The following ZDHHC15 variants were observed in gnomAD, a reference collection of about 807,000 sequenced individuals.
ZDHHC15 encodes the protein palmitoyltransferase ZDHHC15.
Under a neutral mutation model 31.7 loss-of-function variants are expected in ZDHHC15, and 19 were observed. That is an observed-to-expected ratio of 0.60 (90% CI 0.42 to 0.88). The LOEUF (loss-of-function observed/expected upper bound fraction) is 0.88, where lower values mean the gene tolerates loss of function less well. Ranked by LOEUF, ZDHHC15 falls within the 40% of genes least tolerant of loss-of-function variation. The pLI is 0.00. For synonymous variants in ZDHHC15, 103 were observed against 90.0 expected, an observed-to-expected ratio of 1.14 and a Z score of -0.82; for missense variants, 209 against 251.2, an observed-to-expected ratio of 0.83 and a Z score of 1.14.
chrX:75,384,756 A>G (rs753676622), intron 10 of ZDHHC15: 39 of 968,726 alleles, frequency 4.0e-5, no homozygotes, highest in Non-Finnish European at 5.8e-5. Context: ...CACCCAGAGA[A>G]GCACACTTTG....
In ZDHHC15 at chrX:75,514,209, C is replaced by G. The variant is rs781098092; in HGVS notation, c.137-8362G>C. On this transcript the variant is annotated intron_variant, in intron 1 of 11. Transcript: ENST00000373367. The stretch of plus-strand genomic sequence containing the variant: ...CACTGGTAAACTATACAGGTAGCTA[C>G]AAAAGCAAGTAATATTGAGTTTTAC... Among the ~76,000 whole-genome samples, 9 of 111,852 alleles carry G rather than the reference C, an allele frequency of 8.0e-5. No individual in the cohort carries two copies. The East Asian group carries it at 2.5e-3, about 32-fold the overall frequency.
intron 4 of ZDHHC15, among the ~76,000 whole-genome samples, chrX:75,446,586 T>A (rs1020737520): frequency 4.5e-5 from 5 of 112,071 alleles, no homozygotes; most frequent in African/African-American, 9.7e-5. Flanking sequence ...TGATCACATG[T>A]TTTACTCCAT....
At position 75,479,662 on chromosome X, in the gene ZDHHC15, T is replaced by C. The variant is rs188826835; in HGVS notation, c.164-677A>G. ...AGTTTCTTATCATCCACCCCTCTCC[T>C]ACCCCCTCACCCATACCAGTCTCTA... On this transcript the variant is annotated intron_variant, in intron 2 of 11. Transcript: ENST00000373367. Among the ~76,000 whole-genome samples, 413 of 111,292 alleles carry C rather than the reference T, an allele frequency of 3.7e-3. 1 individual carries two copies. The highest frequency in any genetic ancestry group is 6.3e-3 in the Admixed American group (66 of 10,441).
intron 4 of ZDHHC15, among the ~76,000 whole-genome samples, chrX:75,438,404 C>A (rs962408108): frequency 1.8e-5 from 2 of 111,705 alleles, no homozygotes; most frequent in African/African-American, 6.5e-5. Context: ...GTCCTTTTAT[C>A]ATTATATAAT....
At chrX:75,398,247 G>T (rs752843453) in intron 10 of ZDHHC15, among the ~76,000 whole-genome samples, 1 of 112,397 alleles carries the variant, frequency 8.9e-6, no homozygotes. Context: ...TGCCTTAGCC[G>T]TTCCAGCCTT....
rs2083016671 is a variant in ZDHHC15 at position 75,372,859 on chromosome X, A to T, written c.*119T>A. The T allele has an allele frequency of 8.9e-6, 1 of 111,975 alleles. No homozygotes were observed. The highest frequency in any genetic ancestry group is 3.7e-4 in the South Asian group (1 of 2,725). The allele number at this position is 111,975 out of a possible 1,213,427, so 9.2% of individuals were successfully genotyped here. A position where few individuals can be genotyped will look rare whatever the true frequency, so the allele number is the denominator to read the frequency against. On this transcript the variant is annotated 3_prime_UTR_variant, in exon 12 of 12. Transcript: ENST00000373367. The stretch of plus-strand genomic sequence containing the variant: ...AATTCTTTCAAATTTTGAAGCTTTC[A>T]ATCCAACACGGTGACTTATTTTGAA...
At chrX:75,467,146 T>C (rs1327332689) in intron 3 of ZDHHC15, among the ~76,000 whole-genome samples, 1 of 112,552 alleles carries the variant, frequency 8.9e-6, no homozygotes, top group African/African-American at 3.2e-5. Context: ...GAAAAACAAC[T>C]GGTTATTTTG....
chrX:75,510,471 C>A (rs866162329), intron 1 of ZDHHC15, among the ~76,000 whole-genome samples: 3 of 55,105 alleles, frequency 5.4e-5, no homozygotes, highest in African/African-American at 1.9e-4. Context: ...GAAAATGTTT[C>A]TTCTGTTTTT....
intron 1 of ZDHHC15, among the ~76,000 whole-genome samples, chrX:75,518,538 G>A (rs1340734004): frequency 1.8e-5 from 2 of 108,205 alleles, no homozygotes; most frequent in East Asian, 2.9e-4. Flanking sequence ...TGATGGGAAT[G>A]TAAAATGGTG....
At chrX:75,492,212 A>T (rs2084909022) in intron 2 of ZDHHC15, among the ~76,000 whole-genome samples, 1 of 111,840 alleles carries the variant, frequency 8.9e-6, no homozygotes, top group East Asian at 2.8e-4. Context: ...AAAGGGATCA[A>T]TTCAATAAGA....
chrX:75,451,473 G>T (rs183033399), intron 3 of ZDHHC15, among the ~76,000 whole-genome samples: 1 of 111,885 alleles, frequency 8.9e-6, no homozygotes, highest in African/African-American at 3.2e-5. Context: ...TTTTAGTCTC[G>T]TATGGAGCTT....
At chrX:75,458,111 G>A (rs2084253624) in intron 3 of ZDHHC15, among the ~76,000 whole-genome samples, 1 of 112,197 alleles carries the variant, frequency 8.9e-6, no homozygotes, top group Admixed American at 9.5e-5. Flanking sequence ...TAAACCAAGT[G>A]TGATAAAAGG....
intron 9 of ZDHHC15, among the ~76,000 whole-genome samples, chrX:75,421,413 T>TATATA (rs2083633293): frequency 4.4e-4 from 4 of 9,087 alleles, no homozygotes; most frequent in Non-Finnish European, 2.7e-3. Context: ...ATATATATAA[T>TATATA]ATATATATAA....
At chrX:75,522,751 G>T (rs2085460336) in intron 1 of ZDHHC15, 138 bp downstream of exon 1, 2 of 847,730 alleles carry the variant, frequency 2.4e-6, no homozygotes, top group Admixed American at 3.4e-5. Flanking sequence ...CAGAGGCTGG[G>T]GACAAGGAAC....
intron 9 of ZDHHC15, 23 bp downstream of exon 9, chrX:75,421,841 T>C: frequency 8.3e-7 from 1 of 1,206,001 alleles, no homozygotes; most frequent in Admixed American, 2.2e-5. Context: ...TACTAACTTC[T>C]TCCAGTGGTA....
intron 10 of ZDHHC15, among the ~76,000 whole-genome samples, chrX:75,410,554 C>T (rs904888820): frequency 9.9e-5 from 11 of 111,408 alleles, no homozygotes; most frequent in Non-Finnish European, 2.1e-4. Flanking sequence ...TGTGAGATAC[C>T]ATGTAATCCT....
chrX:75,376,560 T>C (rs755048817), intron 11 of ZDHHC15, among the ~76,000 whole-genome samples: 2 of 111,543 alleles, frequency 1.8e-5, no homozygotes, highest in African/African-American at 6.5e-5. Flanking sequence ...CTTTAATCCA[T>C]CTTGAGTTAA....
chrX:75,424,172 T>C (rs1219500100), intron 8 of ZDHHC15, among the ~76,000 whole-genome samples: 1 of 111,542 alleles, frequency 9.0e-6, no homozygotes, highest in African/African-American at 3.3e-5. Context: ...TACTGATTTT[T>C]TTTTTTGTTT....
At chrX:75,423,860 G>A (rs1023583730) in intron 8 of ZDHHC15, among the ~76,000 whole-genome samples, 5 of 109,750 alleles carry the variant, frequency 4.6e-5, no homozygotes, top group African/African-American at 1.7e-4. Flanking sequence ...CCAATGTGTA[G>A]TAGCTTTTGC....
Sources: gnomAD v4.1 joint callset for allele counts (sites outside exome capture counted in the v4.1 genomes callset) on GRCh38, gnomAD v4.1.1 for gene constraint, MANE v1.5 for transcripts, NCBI Gene and HGNC (gene_info 2026-07-23, HGNC 2026-07-21) for gene names.